Variants in SDK1 observed in about 807,000 individuals in gnomAD.
The protein encoded by SDK1 is sidekick cell adhesion molecule 1.
Under a neutral mutation model 245.5 loss-of-function variants are expected in SDK1, and 157 were observed. The ratio of observed to expected loss-of-function variants is 0.64; its 90% confidence interval spans 0.56 to 0.73. The LOEUF (loss-of-function observed/expected upper bound fraction) is 0.73. Among genes scored for constraint, SDK1 ranks in the 30% least tolerant of loss-of-function variants. SDK1 has a pLI of 0.00. For synonymous variants in SDK1, 1,647 were observed against 1,278.5 expected, an observed-to-expected ratio of 1.29 and a Z score of -6.15; for missense variants, 3,583 against 3,002.3, an observed-to-expected ratio of 1.19 and a Z score of -4.52.
At chr7:3,609,731 C>A (rs543246842) in intron 1 of SDK1, among the ~76,000 whole-genome samples, 3 of 139,640 alleles carry the variant, frequency 2.1e-5, no homozygotes, top group Non-Finnish European at 3.1e-5. Context: ...GACAGAGTCT[C>A]ACTCCCTTAC....
intron 2 of SDK1, among the ~76,000 whole-genome samples, chr7:3,626,450 G>C (rs965268210): frequency 6.6e-6 from 1 of 152,166 alleles, no homozygotes; most frequent in Non-Finnish European, 1.5e-5. Flanking sequence ...GGCTATAATT[G>C]GTATTTATGT....
chr7:3,447,730 G>A (rs1780386551), intron 1 of SDK1, among the ~76,000 whole-genome samples: 1 of 114,356 alleles, frequency 8.7e-6, no homozygotes, highest in Non-Finnish European at 1.7e-5. Context: ...TTGAGATAGA[G>A]TTTCACTCTC....
intron 21 of SDK1, among the ~76,000 whole-genome samples, chr7:4,078,384 C>T: frequency 6.6e-6 from 1 of 152,052 alleles, no homozygotes; most frequent in East Asian, 1.9e-4. Flanking sequence ...AGGAAAGAGT[C>T]CACTTGTCCT....
chr7:4,234,124 T>A (rs1785990817), intron 41 of SDK1, among the ~76,000 whole-genome samples: 1 of 152,156 alleles, frequency 6.6e-6, no homozygotes. Context: ...GGTCACGTCT[T>A]CCTGGGACCT....
intron 1 of SDK1, among the ~76,000 whole-genome samples, chr7:3,433,635 A>G (rs1033976189): frequency 1.3e-5 from 2 of 152,228 alleles, no homozygotes; most frequent in African/African-American, 4.8e-5. Flanking sequence ...AGAAATGGTT[A>G]ATCTTTGTAT....
chr7:3,849,354 T>C (rs1346155526), intron 5 of SDK1, among the ~76,000 whole-genome samples: 2 of 152,114 alleles, frequency 1.3e-5, no homozygotes, highest in Non-Finnish European at 2.9e-5. Context: ...CTGGCAACAC[T>C]CCCCTTTCGA....
chr7:3,507,753 G>A (rs897357344), intron 1 of SDK1, among the ~76,000 whole-genome samples: 4 of 152,026 alleles, frequency 2.6e-5, no homozygotes, highest in African/African-American at 9.7e-5. Context: ...CCTTCAGTGC[G>A]GGACTCCCTC....
intron 35 of SDK1, among the ~76,000 whole-genome samples, chr7:4,198,299 C>A (rs1341579038): frequency 6.6e-6 from 1 of 152,236 alleles, no homozygotes; most frequent in Non-Finnish European, 1.5e-5. Context: ...CCAGTTCCCA[C>A]TGCACCCCTG....
At chr7:4,095,820 C>T (rs993862176) in intron 22 of SDK1, among the ~76,000 whole-genome samples, 4 of 152,188 alleles carry the variant, frequency 2.6e-5, no homozygotes, top group Admixed American at 6.5e-5. Flanking sequence ...GTGATCTGCC[C>T]GCTTCGGCCT....
At chr7:3,645,499 A>T (rs1360650177) in intron 4 of SDK1, among the ~76,000 whole-genome samples, 2 of 152,234 alleles carry the variant, frequency 1.3e-5, no homozygotes, top group African/African-American at 4.8e-5. Context: ...AAAGACATAT[A>T]GCTTTCACAT....
Position 3,509,085 on chromosome 7 carries a change from C to T in SDK1, c.299-109995C>T, listed in dbSNP as rs73671877. On this transcript the variant is annotated intron_variant, in intron 1 of 44. Coordinates refer to ENST00000404826, the MANE Select transcript of SDK1 (RefSeq NM_152744.4). ...AAGGTGGGGTGTGTGTGTGTGTGTG[C>T]GTGTGTGTGTGTGTATGTATGTACA... 3.1e-3 allele frequency among the ~76,000 whole-genome samples: 470 copies of T among 149,378 alleles called. 2 individuals are homozygous for T. The highest frequency in any genetic ancestry group is 0.011 in the African/African-American group (445 of 40,272).
At chr7:3,619,472 G>A (rs1323628168) in intron 2 of SDK1, among the ~76,000 whole-genome samples, 1 of 152,172 alleles carries the variant, frequency 6.6e-6, no homozygotes, top group East Asian at 1.9e-4. Flanking sequence ...GCCCATTAGT[G>A]AAATTATCAG....
intron 9 of SDK1, among the ~76,000 whole-genome samples, chr7:3,964,639 A>G (rs967330860): frequency 2.0e-5 from 3 of 152,168 alleles, no homozygotes; most frequent in Non-Finnish European, 2.9e-5. Flanking sequence ...CCATGGTTGT[A>G]TAATACTGTT....
At chr7:4,141,068 G>A (rs1779554440) in intron 28 of SDK1, among the ~76,000 whole-genome samples, 1 of 152,230 alleles carries the variant, frequency 6.6e-6, no homozygotes, top group South Asian at 2.1e-4. Context: ...AGGAGCTTCT[G>A]AGAGAGAGGC....
intron 1 of SDK1, among the ~76,000 whole-genome samples, chr7:3,364,744 T>A (rs1299670481): frequency 1.3e-5 from 2 of 152,322 alleles, no homozygotes; most frequent in Admixed American, 6.5e-5. Context: ...TTCAAAATTG[T>A]TTCTGGTTAT....
chr7:3,565,285 G>C (rs1482078885), intron 1 of SDK1, among the ~76,000 whole-genome samples: 1 of 152,090 alleles, frequency 6.6e-6, no homozygotes, highest in Admixed American at 6.5e-5. Flanking sequence ...CAGAACCTTA[G>C]CTACAAAGGA....
At chr7:4,158,914 C>T (rs1158267581) in intron 31 of SDK1, among the ~76,000 whole-genome samples, 1 of 152,208 alleles carries the variant, frequency 6.6e-6, no homozygotes, top group Non-Finnish European at 1.5e-5. Context: ...GACAACAGCG[C>T]AGGTAAGTGA....
intron 13 of SDK1, among the ~76,000 whole-genome samples, chr7:3,984,481 C>A (rs1184075753): frequency 4.6e-5 from 7 of 152,178 alleles, no homozygotes; most frequent in African/African-American, 1.4e-4. Flanking sequence ...AACATAACCC[C>A]CTTGAGGTCA....
At chr7:3,346,272 C>T (rs537633671) in intron 1 of SDK1, among the ~76,000 whole-genome samples, 1 of 152,220 alleles carries the variant, frequency 6.6e-6, no homozygotes, top group Admixed American at 6.5e-5. Flanking sequence ...AGCTCTGGGG[C>T]TGGTTTCGGT....
Sources: allele counts gnomAD v4.1 joint callset (sites outside exome capture counted in the v4.1 genomes callset), GRCh38; gene constraint gnomAD v4.1.1; transcripts MANE v1.5; gene names NCBI Gene and HGNC (gene_info 2026-07-23, HGNC 2026-07-21).